The following SHISA9 variants were observed in gnomAD, a reference collection of about 807,000 sequenced individuals.
SHISA9 encodes the protein protein shisa-9.
Under a neutral mutation model 38.0 loss-of-function variants are expected in SHISA9, and 13 were observed. The observed-to-expected ratio is 0.34, with a 90% CI of 0.22 to 0.54. The LOEUF (loss-of-function observed/expected upper bound fraction) is 0.54. Among genes scored for constraint, SHISA9 ranks in the 20% least tolerant of loss-of-function variants. The pLI, the probability that SHISA9 is intolerant of heterozygous loss-of-function variation, is 0.91. For missense variants in SHISA9, 538 were observed against 575.8 expected (o/e 0.93, Z 0.67); for synonymous variants, 275 against 242.0 (o/e 1.14, Z -1.27).
chr16:12,987,513 A>G (rs1355188460), intron 2 of SHISA9, among the ~76,000 whole-genome samples: 1 of 152,180 alleles, frequency 6.6e-6, no homozygotes, highest in South Asian at 2.1e-4. Flanking sequence ...CGAATACCAC[A>G]TGTTCTCATT....
the SHISA9 span, among the ~76,000 whole-genome samples, chr16:13,432,224 C>G: frequency 6.6e-6 from 1 of 152,202 alleles, no homozygotes; most frequent in African/African-American, 2.4e-5. Context: ...TTCCTCTTAT[C>G]TGTACACTTC....
In SHISA9 at chr16:13,118,972, T is replaced by C; in HGVS notation, c.692-84422T>C. 2.6e-5 allele frequency among the ~76,000 whole-genome samples: 4 copies of C among 152,244 alleles called. No individual in the cohort carries two copies. The Middle Eastern group carries it at 0.014, about 518-fold the overall frequency. ...GTCTTGAACTCCTGACCTCAGGTGA[T>C]CCACTCACCTCGGCCTCCCAAAGTG... On this transcript the variant is annotated intron_variant, in intron 2 of 4. Coordinates refer to ENST00000558583, the MANE Select transcript of SHISA9 (RefSeq NM_001145204.3).
chr16:13,111,586 C>T (rs1034476998), intron 2 of SHISA9, among the ~76,000 whole-genome samples: 1 of 152,124 alleles, frequency 6.6e-6, no homozygotes, highest in African/African-American at 2.4e-5. Context: ...ATAGAAAGGC[C>T]AGAGTAAACA....
the SHISA9 span, among the ~76,000 whole-genome samples, chr16:13,389,650 C>CATTCCAGAT: frequency 6.6e-5 from 10 of 152,200 alleles, no homozygotes; most frequent in Non-Finnish European, 1.3e-4. Context: ...CAGGTGGCAG[C>CATTCCAGAT]ATTCCAGATC....
chr16:13,374,579 G>T, the SHISA9 span, among the ~76,000 whole-genome samples: 64 of 152,202 alleles, frequency 4.2e-4, no homozygotes, highest in African/African-American at 1.4e-3. Flanking sequence ...TGGACATTTG[G>T]GTTGGTTCCA....
chr16:13,329,438 T>G, the SHISA9 span, among the ~76,000 whole-genome samples: 1 of 152,196 alleles, frequency 6.6e-6, no homozygotes, highest in Non-Finnish European at 1.5e-5. Context: ...GGATACAGAT[T>G]AAAATCCATG....
At chr16:12,936,452 G>C (rs1352661188) in intron 2 of SHISA9, among the ~76,000 whole-genome samples, 1 of 152,184 alleles carries the variant, frequency 6.6e-6, no homozygotes, top group Non-Finnish European at 1.5e-5. Context: ...TCTCAGTTCA[G>C]GGATGGGAGA....
chr16:12,951,695 A>G (rs935711119), intron 2 of SHISA9, among the ~76,000 whole-genome samples: 37 of 152,144 alleles, frequency 2.4e-4, no homozygotes, highest in Admixed American at 2.6e-4. Context: ...TGTGTCCTCT[A>G]TAGTTCAATT....
At chr16:13,147,339 G>T (rs1459432490) in intron 2 of SHISA9, among the ~76,000 whole-genome samples, 8 of 151,926 alleles carry the variant, frequency 5.3e-5, no homozygotes, top group Non-Finnish European at 1.5e-5. Flanking sequence ...ACAACCAAGG[G>T]TTTGCCCAAG....
chr16:13,379,754 C>T, the SHISA9 span, among the ~76,000 whole-genome samples: 1 of 152,054 alleles, frequency 6.6e-6, no homozygotes, highest in African/African-American at 2.4e-5. Context: ...TTATCAAATG[C>T]CTTTCTTTTC....
chr16:13,016,842 G>A (rs1596587037), intron 2 of SHISA9, among the ~76,000 whole-genome samples: 1 of 152,092 alleles, frequency 6.6e-6, no homozygotes. Flanking sequence ...ACACTTTGGG[G>A]ACATTAAAAA....
chr16:13,121,325 C>T (rs1256816407), intron 2 of SHISA9, among the ~76,000 whole-genome samples: 1 of 152,026 alleles, frequency 6.6e-6, no homozygotes, highest in Admixed American at 6.6e-5. Context: ...CCCCTCTCTA[C>T]AAAAAATTTT....
chr16:13,450,831 A>T, the SHISA9 span, among the ~76,000 whole-genome samples: 1 of 152,134 alleles, frequency 6.6e-6, no homozygotes, highest in East Asian at 1.9e-4. Context: ...GATCTGCCCT[A>T]TTAGGCTTGA....
the SHISA9 span, among the ~76,000 whole-genome samples, chr16:13,540,764 TCA>T: frequency 6.6e-6 from 1 of 152,224 alleles, no homozygotes; most frequent in South Asian, 2.1e-4. Context: ...AAAATGTCAA[TCA>T]CAGTGCCTGG....
At chr16:13,299,978 G>A in the SHISA9 span, among the ~76,000 whole-genome samples, 1 of 152,124 alleles carries the variant, frequency 6.6e-6, no homozygotes, top group Non-Finnish European at 1.5e-5. Context: ...TAGGAGTGTG[G>A]TTGCTCAAAG....
the SHISA9 span, among the ~76,000 whole-genome samples, chr16:13,396,183 T>C: frequency 7.7e-3 from 1,166 of 152,306 alleles, 7 homozygotes; most frequent in Non-Finnish European, 0.011. Context: ...ATCTTCCAAA[T>C]GGATGAGTCT....
chr16:13,397,657 A>C, the SHISA9 span, among the ~76,000 whole-genome samples: 1 of 152,006 alleles, frequency 6.6e-6, no homozygotes, highest in Non-Finnish European at 1.5e-5. Context: ...GATGGTCTTG[A>C]TCTCTTGAAC....
chr16:13,040,775 C>T (rs1370201861), intron 2 of SHISA9, among the ~76,000 whole-genome samples: 3 of 152,068 alleles, frequency 2.0e-5, no homozygotes, highest in African/African-American at 7.2e-5. Context: ...GTCTGAGGGC[C>T]CTTAGGTGTA....
chr16:13,240,983 G>A (rs1445695219), downstream of SHISA9, among the ~76,000 whole-genome samples: 1 of 152,158 alleles, frequency 6.6e-6, no homozygotes, highest in Non-Finnish European at 1.5e-5. Context: ...AAGCAGCTAA[G>A]AAGAGTATGA....
Sources: allele counts gnomAD v4.1 joint callset (sites outside exome capture counted in the v4.1 genomes callset), GRCh38; gene constraint gnomAD v4.1.1; transcripts MANE v1.5; gene names NCBI Gene and HGNC (gene_info 2026-07-23, HGNC 2026-07-21).